BCAS3: variants seen among roughly 807,000 people sequenced by gnomAD.
BCAS3 encodes BCAS4/BCAS3 fusion.
In BCAS3, 53 loss-of-function variants were observed where a neutral mutation model predicts 116.1. The ratio of observed to expected loss-of-function variants is 0.46; its 90% CI spans 0.37 to 0.57. BCAS3 has a LOEUF of 0.57. Among genes scored for constraint, BCAS3 ranks in the 20% least tolerant of loss-of-function variants. BCAS3 has a pLI of 0.00. For synonymous variants in BCAS3, 391 were observed against 408.2 expected (o/e 0.96, Z 0.51); for missense variants, 917 against 1,165.4 (o/e 0.79, Z 3.10).
chr17:60,989,029 C>T (rs1018557228), intron 14 of BCAS3, among the ~76,000 whole-genome samples: 1 of 151,676 alleles, frequency 6.6e-6, no homozygotes, highest in Non-Finnish European at 1.5e-5. Context: ...CTATAAACTT[C>T]CCTCTTAGTA....
In BCAS3 at chr17:61,171,247, C is replaced by T. The variant is rs1460361107; in HGVS notation, c.2425+86683C>T. ...GACTTGGATAAGTTACAAATATATG[C>T]TATACATTCTAAAGCAGCCTCTAAA... On this transcript the variant is annotated intron_variant, in intron 22 of 23. Coordinates refer to ENST00000407086, the MANE Select transcript of BCAS3 (RefSeq NM_017679.5). This position sits in a 1 kb window ranked among gnomAD's most constrained non-coding sequence, Gnocchi z 4.1. Among the ~76,000 whole-genome samples, 1 of 151,912 alleles carries T rather than the reference C, an allele frequency of 6.6e-6. No individual in the cohort carries two copies. Among genetic ancestry groups the T allele is most frequent in the African/African-American group, 2.4e-5 (1 of 41,318 alleles).
chr17:60,816,090 C>T (rs1413002810), intron 7 of BCAS3, among the ~76,000 whole-genome samples: 2 of 152,096 alleles, frequency 1.3e-5, no homozygotes, highest in African/African-American at 4.8e-5. Context: ...TAGGACATCC[C>T]TCCATTTGGA....
At chr17:60,911,058 T>C (rs906712780) in intron 12 of BCAS3, among the ~76,000 whole-genome samples, 1 of 151,682 alleles carries the variant, frequency 6.6e-6, no homozygotes, top group African/African-American at 2.4e-5. Context: ...GTTTCTTTTT[T>C]GTGTGTAATG....
At chr17:61,293,336 T>G (rs2052614631) in intron 22 of BCAS3, among the ~76,000 whole-genome samples, 2 of 152,148 alleles carry the variant, frequency 1.3e-5, no homozygotes, top group Non-Finnish European at 2.9e-5. Flanking sequence ...CTCCTGCCCC[T>G]CTACTCCAAG....
chr17:61,168,252 G>C (rs1014306650), intron 22 of BCAS3, among the ~76,000 whole-genome samples: 5 of 151,932 alleles, frequency 3.3e-5, no homozygotes, highest in African/African-American at 1.2e-4. Context: ...CCACACTCTG[G>C]AAGATCTTTT....
intron 22 of BCAS3, among the ~76,000 whole-genome samples, chr17:61,191,136 A>T (rs898520186): frequency 2.6e-4 from 39 of 151,556 alleles, no homozygotes; most frequent in Admixed American, 2.2e-3. Context: ...AAAATAATTT[A>T]AAAAAAAATT....
At chr17:60,788,267 CATACATG>C (rs1357619765) in intron 6 of BCAS3, among the ~76,000 whole-genome samples, 3 of 152,104 alleles carry the variant, frequency 2.0e-5, no homozygotes, top group Admixed American at 2.0e-4. Flanking sequence ...CTTTAAGGTT[CATACATG>C]GCATTTAGTA....
rs1334712888 is a variant in BCAS3, at chr17:61,390,693, T to A, written c.2594-1284T>A. ...TTGGCCAGCCCAGGAGTGAAGGCCA[T>A]GACCCCTTCATTCCCTAACCAGAGC... On this transcript the variant is annotated intron_variant, in intron 23 of 23. Coordinates refer to ENST00000407086, the MANE Select transcript of BCAS3 (RefSeq NM_017679.5). This position sits in a 1 kb window ranked among gnomAD's most constrained non-coding sequence, Gnocchi z 6.8. 1 of 152,282 alleles carries A rather than the reference T, an allele frequency of 6.6e-6. No individual in the cohort carries two copies. Among genetic ancestry groups the A allele is most frequent in the East Asian group, 1.9e-4 (1 of 5,178 alleles). The allele number at this position is 152,282 out of a possible 1,614,324, so 9.4% of individuals were successfully genotyped here. A position where few individuals can be genotyped will look rare whatever the true frequency, so the allele number is the denominator to read the frequency against.
chr17:60,689,407 C>T (rs893278434), intron 3 of BCAS3, among the ~76,000 whole-genome samples: 1 of 152,162 alleles, frequency 6.6e-6, no homozygotes, highest in Non-Finnish European at 1.5e-5. Context: ...AACTCCTGGC[C>T]TCAAGTGGTC....
Position 61,076,516 on chromosome 17 carries a change from C to T in BCAS3, c.2130+1496C>T, listed in dbSNP as rs564517282. On this transcript the variant is annotated intron_variant, in intron 20 of 23. Coordinates refer to ENST00000407086, the MANE Select transcript of BCAS3 (RefSeq NM_017679.5). ...AATGTTAGGAAGATAAAGTAAACCCCAAATGTGTGTTTTTTCCAAAATCAA... is the reference window on the plus strand; with the variant it reads ...AATGTTAGGAAGATAAAGTAAACCCTAAATGTGTGTTTTTTCCAAAATCAA... Among the ~76,000 whole-genome samples the T allele has an allele frequency of 2.0e-5, 3 of 152,268 alleles. No homozygotes were observed. In the East Asian group the frequency reaches 5.8e-4, roughly 29 times the overall value.
chr17:60,807,737 G>A (rs914650826), intron 6 of BCAS3, among the ~76,000 whole-genome samples: 6 of 150,394 alleles, frequency 4.0e-5, no homozygotes, highest in Non-Finnish European at 7.4e-5. Flanking sequence ...AGCTGCGATC[G>A]TGCCACTGCA....
intron 22 of BCAS3, among the ~76,000 whole-genome samples, chr17:61,330,776 A>C (rs768944540): frequency 6.6e-6 from 1 of 152,206 alleles, no homozygotes; most frequent in Non-Finnish European, 1.5e-5. Flanking sequence ...TTCTAATCCC[A>C]GCACTATCAC....
chr17:60,835,486 CA>C (rs1236681920), intron 7 of BCAS3, among the ~76,000 whole-genome samples: 1 of 152,030 alleles, frequency 6.6e-6, no homozygotes, highest in African/African-American at 2.4e-5. Context: ...TGAGTATCAG[CA>C]ACTTAAATAT....
chr17:60,706,791 A>G (rs931663284), intron 4 of BCAS3, among the ~76,000 whole-genome samples: 1 of 147,956 alleles, frequency 6.8e-6, no homozygotes, highest in Non-Finnish European at 1.5e-5. Flanking sequence ...AACCCCAAAA[A>G]CTTACACTAT....
At chr17:60,932,972 C>T (rs1030239761) in intron 13 of BCAS3, among the ~76,000 whole-genome samples, 2 of 151,874 alleles carry the variant, frequency 1.3e-5, no homozygotes, top group Non-Finnish European at 2.9e-5. Flanking sequence ...GTTGGGAGTT[C>T]GAGACCAGCC....
At position 60,962,481 on chromosome 17, in the gene BCAS3, T is replaced by C. The variant is rs2061460151; in HGVS notation, c.1221+15129T>C. On this transcript the variant is annotated intron_variant, in intron 14 of 23. Coordinates refer to ENST00000407086, the MANE Select transcript of BCAS3 (RefSeq NM_017679.5). This position sits in a 1 kb window ranked among gnomAD's most constrained non-coding sequence, Gnocchi z 4.4. ...TATACCTATTGGCCATTTGCATGTC[T>C]TCTTTTGAGAAATGTGTGTTCAGGT... Among the ~76,000 whole-genome samples the C allele has an allele frequency of 6.6e-6, 1 of 152,198 alleles. No individual in the cohort carries two copies. The highest frequency in any genetic ancestry group is 2.4e-5 in the African/African-American group (1 of 41,454).
rs114046065 is a variant in BCAS3, at chr17:61,365,922, C to G, written c.2426-2405C>G. On this transcript the variant is annotated intron_variant, in intron 22 of 23. Transcript: ENST00000407086. This position sits in a 1 kb window ranked among gnomAD's most constrained non-coding sequence, Gnocchi z 4.6. The stretch of plus-strand genomic sequence containing the variant: ...CTTTGGGAGGCCAAGACAGGTGGAT[C>G]GTTTGAGATCAGAAGTTCAAGACCA... Among the ~76,000 whole-genome samples, 1 of 151,974 alleles carries G rather than the reference C, an allele frequency of 6.6e-6. No individual in the cohort carries two copies. The highest frequency in any genetic ancestry group is 1.5e-5 in the Non-Finnish European group (1 of 67,992).
rs1003327718 is a variant in BCAS3 at position 61,063,468 on chromosome 17, C to T, written c.2030-11452C>T. Among the ~76,000 whole-genome samples the T allele has an allele frequency of 9.9e-5, 15 of 152,178 alleles. No individual in the cohort carries two copies. Among genetic ancestry groups the T allele is most frequent in the African/African-American group, 3.1e-4 (13 of 41,520 alleles). On this transcript the variant is annotated intron_variant, in intron 19 of 23. Coordinates refer to ENST00000407086, the MANE Select transcript of BCAS3 (RefSeq NM_017679.5). The surrounding 1 kb of genome is among the most constrained non-coding windows in gnomAD (Gnocchi z 5.3). Reference sequence around the variant, plus strand: ...TATTTTTAGTAGAGACGGAGTTTCACCATGTTAGCCAGGATGGTCTCGATC... The same window carrying T: ...TATTTTTAGTAGAGACGGAGTTTCATCATGTTAGCCAGGATGGTCTCGATC...
In BCAS3 at chr17:60,990,763, C is replaced by T. The variant is rs2063478039; in HGVS notation, c.1486+528C>T. Among the ~76,000 whole-genome samples, 2 of 152,034 alleles carry T rather than the reference C, an allele frequency of 1.3e-5. No homozygotes were observed. The highest frequency in any genetic ancestry group is 4.1e-4 in the South Asian group (2 of 4,832). On this transcript the variant is annotated intron_variant, in intron 15 of 23. Coordinates refer to ENST00000407086, the MANE Select transcript of BCAS3 (RefSeq NM_017679.5). The surrounding 1 kb of genome is among the most constrained non-coding windows in gnomAD (Gnocchi z 5.1). ...CCAGGTTCAAGCAATTCTCCTGCCT[C>T]AGCCTCCCGAGCAGCTGGGATTACA...
Sources: gnomAD v4.1 joint callset for allele counts (sites outside exome capture counted in the v4.1 genomes callset) on GRCh38, gnomAD v4.1.1 for gene constraint, Gnocchi (gnomAD v3.1) non-coding constraint, MANE v1.5 for transcripts, NCBI Gene and HGNC (gene_info 2026-07-23, HGNC 2026-07-21) for gene names.